The following GALNTL6 variants were observed in gnomAD, a reference collection of about 807,000 sequenced individuals.
The protein encoded by GALNTL6 is polypeptide N-acetylgalactosaminyltransferase-like 6.
A neutral mutation model predicts 73.7 loss-of-function variants in GALNTL6; 46 were observed. The ratio of observed to expected loss-of-function variants is 0.62; its 90% confidence interval spans 0.49 to 0.80. The LOEUF (loss-of-function observed/expected upper bound fraction) is 0.80. Among genes scored for constraint, GALNTL6 ranks in the 30% least tolerant of loss-of-function variants. GALNTL6 has a pLI of 0.00. For missense variants in GALNTL6, 604 were observed against 755.0 expected (o/e 0.80, Z 2.34); for synonymous variants, 259 against 263.7 (o/e 0.98, Z 0.17).
chr4:172,761,966 A>G (rs1004984143), intron 5 of GALNTL6, among the ~76,000 whole-genome samples: 1 of 152,222 alleles, frequency 6.6e-6, no homozygotes, highest in African/African-American at 2.4e-5. Flanking sequence ...GCTAGTATAC[A>G]GTGCAAAGTG....
chr4:172,327,506 A>T (rs969048355), intron 4 of GALNTL6, among the ~76,000 whole-genome samples: 1 of 152,114 alleles, frequency 6.6e-6, no homozygotes, highest in African/African-American at 2.4e-5. Flanking sequence ...GAAGTCTCCC[A>T]GTGTTATTGT....
chr4:171,932,945 A>G (rs1323656221), intron 2 of GALNTL6, among the ~76,000 whole-genome samples: 11 of 152,192 alleles, frequency 7.2e-5, no homozygotes, highest in African/African-American at 2.7e-4. Context: ...TCAAAATGTG[A>G]TCTGCAGAGC....
At chr4:172,339,566 G>A (rs1741485816) in intron 4 of GALNTL6, among the ~76,000 whole-genome samples, 1 of 152,166 alleles carries the variant, frequency 6.6e-6, no homozygotes, top group African/African-American at 2.4e-5. Context: ...AAGAGTGACT[G>A]ACTCTGTATG....
At chr4:172,287,383 A>G (rs531538104) in intron 3 of GALNTL6, among the ~76,000 whole-genome samples, 1 of 152,220 alleles carries the variant, frequency 6.6e-6, no homozygotes, top group African/African-American at 2.4e-5. Context: ...TTCTCATTTG[A>G]TCCTTAATTA....
At chr4:172,911,395 G>C (rs906561022) in intron 8 of GALNTL6, among the ~76,000 whole-genome samples, 1 of 152,148 alleles carries the variant, frequency 6.6e-6, no homozygotes, top group Non-Finnish European at 1.5e-5. Context: ...AGTTGTATTA[G>C]AGACCACTCC....
At chr4:172,912,437 G>A (rs1051235431) in intron 8 of GALNTL6, among the ~76,000 whole-genome samples, 2 of 152,232 alleles carry the variant, frequency 1.3e-5, no homozygotes, top group Non-Finnish European at 2.9e-5. Context: ...CCTGGGAAGT[G>A]CAAGAGGTCA....
At chr4:172,980,185 T>C (rs1351877919) in intron 10 of GALNTL6, among the ~76,000 whole-genome samples, 2 of 152,200 alleles carry the variant, frequency 1.3e-5, no homozygotes, top group African/African-American at 4.8e-5. Context: ...ACTCTACAAC[T>C]TGGTTTCTTC....
In GALNTL6 at chr4:172,468,133, C is replaced by A. The variant is rs113865037; in HGVS notation, c.553+119444C>A. ...TCTCAAACTCCTAGCCTTAAGCAAT[C>A]CTCCGCCCTTGGCCTCCCAAAGTTC... On this transcript the variant is annotated intron_variant, in intron 5 of 12. Coordinates refer to ENST00000506823, the MANE Select transcript of GALNTL6 (RefSeq NM_001034845.3). Among the ~76,000 whole-genome samples, 1,493 of 152,170 alleles carry A rather than the reference C, an allele frequency of 9.8e-3. 14 individuals carry two copies. The highest frequency in any genetic ancestry group is 0.031 in the African/African-American group (1,302 of 41,518).
intron 10 of GALNTL6, among the ~76,000 whole-genome samples, chr4:172,976,903 T>A (rs1750837077): frequency 6.6e-6 from 1 of 152,206 alleles, no homozygotes; most frequent in South Asian, 2.1e-4. Context: ...TATCCACTAT[T>A]TATAGACAAT....
At chr4:172,419,833 T>C (rs1730987955) in intron 5 of GALNTL6, among the ~76,000 whole-genome samples, 1 of 152,182 alleles carries the variant, frequency 6.6e-6, no homozygotes, top group Non-Finnish European at 1.5e-5. Context: ...GTTCAATGTT[T>C]ATTTGCTTAC....
chr4:172,911,702 C>A (rs1747211025), intron 8 of GALNTL6, among the ~76,000 whole-genome samples: 1 of 152,194 alleles, frequency 6.6e-6, no homozygotes, highest in Non-Finnish European at 1.5e-5. Context: ...GTCTGAGATT[C>A]ATTTCAATTA....
At chr4:172,162,291 T>C (rs1734494991) in intron 2 of GALNTL6, among the ~76,000 whole-genome samples, 1 of 151,722 alleles carries the variant, frequency 6.6e-6, no homozygotes, top group African/African-American at 2.4e-5. Context: ...GCCAAGTGGT[T>C]AGACTGATTG....
At chr4:172,156,106 G>A (rs1314177082) in intron 2 of GALNTL6, among the ~76,000 whole-genome samples, 1 of 130,542 alleles carries the variant, frequency 7.7e-6, no homozygotes, top group Admixed American at 7.7e-5. Flanking sequence ...CTAAAATGGC[G>A]TCAGCGTCAA....
intron 2 of GALNTL6, among the ~76,000 whole-genome samples, chr4:172,185,750 A>G (rs1432388000): frequency 1.3e-5 from 2 of 152,188 alleles, no homozygotes; most frequent in African/African-American, 4.8e-5. Context: ...TTCACTAACA[A>G]CTGACTTTAG....
chr4:172,765,598 T>C (rs1489279785), intron 5 of GALNTL6, among the ~76,000 whole-genome samples: 2 of 152,188 alleles, frequency 1.3e-5, no homozygotes, highest in African/African-American at 4.8e-5. Context: ...CTGTAAAATC[T>C]GATTACATGA....
intron 9 of GALNTL6, among the ~76,000 whole-genome samples, chr4:172,944,243 A>G (rs987769379): frequency 6.6e-6 from 1 of 152,252 alleles, no homozygotes; most frequent in Non-Finnish European, 1.5e-5. Flanking sequence ...GTTTGTATCC[A>G]TAATACATAA....
chr4:172,540,723 G>C (rs755803207), intron 5 of GALNTL6, among the ~76,000 whole-genome samples: 2 of 152,150 alleles, frequency 1.3e-5, no homozygotes, highest in Non-Finnish European at 2.9e-5. Context: ...GGGTTTTAAG[G>C]ATTCTTTATT....
At chr4:173,018,296 A>C (rs960560076) in intron 11 of GALNTL6, among the ~76,000 whole-genome samples, 1 of 152,252 alleles carries the variant, frequency 6.6e-6, no homozygotes, top group Non-Finnish European at 1.5e-5. Context: ...TCAAAATATA[A>C]GCATTATCAT....
chr4:172,709,267 A>G (rs1734548524), intron 5 of GALNTL6, among the ~76,000 whole-genome samples: 1 of 152,140 alleles, frequency 6.6e-6, no homozygotes, highest in African/African-American at 2.4e-5. Context: ...ACAAGATTGG[A>G]GGCAGTGCTC....
Sources: allele counts gnomAD v4.1 joint callset (sites outside exome capture counted in the v4.1 genomes callset), GRCh38; gene constraint gnomAD v4.1.1; transcripts MANE v1.5; gene names NCBI Gene and HGNC (gene_info 2026-07-23, HGNC 2026-07-21).